Variants in LRP1B observed in about 807,000 individuals in gnomAD.
LRP1B encodes low-density lipoprotein receptor-related protein 1B.
A neutral mutation model predicts 556.6 loss-of-function variants in LRP1B; 217 were observed. The ratio of observed to expected loss-of-function variants is 0.39; its 90% CI spans 0.35 to 0.44. The LOEUF is 0.44. LRP1B is among the 20% of genes least tolerant of loss of function. LRP1B has a pLI of 1.00. For missense variants in LRP1B, 5,053 were observed against 5,620.8 expected, an observed-to-expected ratio of 0.90 and a Z score of 3.23; for synonymous variants, 2,047 against 1,865.8, an observed-to-expected ratio of 1.10 and a Z score of -2.50.
intron 43 of LRP1B, among the ~76,000 whole-genome samples, chr2:140,589,920 G>A (rs1682147621): frequency 6.6e-6 from 1 of 152,018 alleles, no homozygotes; most frequent in South Asian, 2.1e-4. Context: ...TGAAGGAAAT[G>A]TTCTGTATCT....
intron 41 of LRP1B, among the ~76,000 whole-genome samples, chr2:140,643,921 G>T (rs1057384489): frequency 6.6e-6 from 1 of 152,118 alleles, no homozygotes; most frequent in African/African-American, 2.4e-5. Flanking sequence ...GAAAGGTGGG[G>T]GGTGGACGAT....
intron 1 of LRP1B, among the ~76,000 whole-genome samples, chr2:142,118,467 C>T (rs1446510169): frequency 6.6e-6 from 1 of 152,186 alleles, no homozygotes; most frequent in South Asian, 2.1e-4. Context: ...GGTTTATGGT[C>T]TGTTCCAACG....
At chr2:140,691,850 T>C (rs182410953) in intron 41 of LRP1B, among the ~76,000 whole-genome samples, 1 of 152,302 alleles carries the variant, frequency 6.6e-6, no homozygotes, top group Admixed American at 6.5e-5. Context: ...TTAAATGTTT[T>C]AGATGTATAG....
intron 1 of LRP1B, among the ~76,000 whole-genome samples, chr2:141,827,086 T>C (rs1360268819): frequency 6.6e-6 from 1 of 152,228 alleles, no homozygotes; most frequent in Non-Finnish European, 1.5e-5. Flanking sequence ...CTTTTGTTTT[T>C]GAGAAAATTT....
chr2:141,998,561 T>G (rs977427515), intron 1 of LRP1B, among the ~76,000 whole-genome samples: 7 of 152,186 alleles, frequency 4.6e-5, no homozygotes, highest in Non-Finnish European at 7.3e-5. Context: ...CTCAATCAAT[T>G]TAGAGGTTTA....
chr2:141,128,260 T>G (rs2105018539), intron 7 of LRP1B, among the ~76,000 whole-genome samples: 1 of 152,340 alleles, frequency 6.6e-6, no homozygotes, highest in East Asian at 1.9e-4. Context: ...GAAGTTTCAA[T>G]CCTTCACTAG....
intron 71 of LRP1B, among the ~76,000 whole-genome samples, chr2:140,366,464 T>A (rs1173971114): frequency 6.6e-6 from 1 of 151,652 alleles, no homozygotes; most frequent in Non-Finnish European, 1.5e-5. Context: ...ATGTCTGAAA[T>A]ATAGGATAGG....
Position 141,526,997 on chromosome 2 carries a change from A to T in LRP1B, c.206-46464T>A, listed in dbSNP as rs192263748. 1.4e-4 allele frequency among the ~76,000 whole-genome samples: 21 copies of T among 152,234 alleles called. No individual in the cohort carries two copies. The East Asian group carries it at 2.3e-3, about 17-fold the overall frequency. ...TTCTGCAGTATCAAGACTGACAGTG[A>T]ATTATAGACAGAAACATACGAATAC... is the stretch of plus-strand genomic sequence containing the variant. On this transcript the variant is annotated intron_variant, in intron 2 of 90. Transcript: ENST00000389484.
intron 2 of LRP1B, among the ~76,000 whole-genome samples, chr2:141,765,146 A>G (rs1017011286): frequency 2.0e-5 from 3 of 152,158 alleles, no homozygotes; most frequent in Non-Finnish European, 2.9e-5. Flanking sequence ...GTTTTTCTTC[A>G]CAAGTGGCAA....
chr2:141,471,420 C>A (rs1682469812), intron 3 of LRP1B, among the ~76,000 whole-genome samples: 1 of 152,014 alleles, frequency 6.6e-6, no homozygotes, highest in Admixed American at 6.6e-5. Context: ...TCTCACTACA[C>A]TCAAGTATGT....
At chr2:140,285,049 T>C (rs1683081913) in intron 84 of LRP1B, among the ~76,000 whole-genome samples, 1 of 150,046 alleles carries the variant, frequency 6.7e-6, no homozygotes, top group Admixed American at 6.7e-5. Flanking sequence ...TATATGGATA[T>C]CTATATACCT....
At chr2:142,051,813 T>C (rs1274257865) in intron 1 of LRP1B, among the ~76,000 whole-genome samples, 1 of 152,154 alleles carries the variant, frequency 6.6e-6, no homozygotes, top group Non-Finnish European at 1.5e-5. Flanking sequence ...AAATGCACGC[T>C]GGATTTCTGG....
chr2:141,922,208 T>C (rs1317384003), intron 1 of LRP1B, among the ~76,000 whole-genome samples: 1 of 152,174 alleles, frequency 6.6e-6, no homozygotes, highest in East Asian at 1.9e-4. Context: ...CACAGATTTA[T>C]TATATAACCT....
intron 68 of LRP1B, among the ~76,000 whole-genome samples, chr2:140,375,887 TTTG>T (rs1172604756): frequency 1.3e-5 from 2 of 152,156 alleles, no homozygotes; most frequent in African/African-American, 4.8e-5. Context: ...TCTTTGTTGT[TTTG>T]TTATTAACAA....
rs150284757 is a variant in LRP1B, at chr2:141,114,302, G to A, written c.1014-52029C>T. 2.0e-5 allele frequency among the ~76,000 whole-genome samples: 3 copies of A among 152,324 alleles called. No individual in the cohort carries two copies. The East Asian group carries it at 5.8e-4, about 29-fold the overall frequency. On this transcript the variant is annotated intron_variant, in intron 7 of 90. Transcript: ENST00000389484. ...TAAATCAGCTTAGCGAAAAGTCAGG[G>A]TGACAGTCTTTTACACCCTGCTCTC...
At chr2:142,082,820 T>C (rs1004984551) in intron 1 of LRP1B, among the ~76,000 whole-genome samples, 4 of 152,204 alleles carry the variant, frequency 2.6e-5, no homozygotes, top group African/African-American at 9.6e-5. Flanking sequence ...TAAAAATATT[T>C]AGGGTGTCTT....
At chr2:140,860,988 A>C (rs1465552871) in intron 27 of LRP1B, among the ~76,000 whole-genome samples, 1 of 141,078 alleles carries the variant, frequency 7.1e-6, no homozygotes, top group Non-Finnish European at 1.6e-5. Context: ...CTATCTATCT[A>C]TCTATCTATC....
intron 28 of LRP1B, among the ~76,000 whole-genome samples, chr2:140,850,658 C>T (rs961059523): frequency 5.7e-4 from 87 of 152,044 alleles, no homozygotes; most frequent in African/African-American, 2.0e-3. Flanking sequence ...GTACTTTGTA[C>T]GTAATTACTA....
chr2:141,687,332 C>T (rs1220834506), intron 2 of LRP1B, among the ~76,000 whole-genome samples: 1 of 151,724 alleles, frequency 6.6e-6, no homozygotes, highest in East Asian at 1.9e-4. Context: ...TAATCATTAC[C>T]CAATTACATT....
Sources: allele counts gnomAD v4.1 joint callset (sites outside exome capture counted in the v4.1 genomes callset), GRCh38; gene constraint gnomAD v4.1.1; transcripts MANE v1.5; gene names NCBI Gene and HGNC (gene_info 2026-07-23, HGNC 2026-07-21).